The following TMEM44 variants were observed in gnomAD, a reference collection of about 807,000 sequenced individuals.
TMEM44 encodes transmembrane protein 44.
TMEM44 carries 43 observed loss-of-function variants against 47.8 expected under a neutral mutation model. The ratio of observed to expected loss-of-function variants is 0.90; its 90% CI spans 0.70 to 1.16. The LOEUF (loss-of-function observed/expected upper bound fraction) is 1.16. TMEM44 is among the 50% of genes most tolerant of loss of function. TMEM44 has a pLI of 0.00. For synonymous variants in TMEM44, 277 were observed against 238.8 expected, an observed-to-expected ratio of 1.16 and a Z score of -1.48; for missense variants, 568 against 555.2, an observed-to-expected ratio of 1.02 and a Z score of -0.23.
At chr3:194,630,852 TAC>T (rs1717734433) in intron 1 of TMEM44, among the ~76,000 whole-genome samples, 1 of 146,676 alleles carries the variant, frequency 6.8e-6, no homozygotes, top group African/African-American at 2.6e-5. Flanking sequence ...TCTGAAATAA[TAC>T]GCTGTCGTAC....
At chr3:194,621,024 CAAAAAA>C (rs35118545) in intron 5 of TMEM44, among the ~76,000 whole-genome samples, 1 of 117,334 alleles carries the variant, frequency 8.5e-6, no homozygotes, top group Non-Finnish European at 1.8e-5. Context: ...GACTCTGTCT[CAAAAAA>C]AAAAAAAAAA....
At chr3:194,591,897 G>A (rs923135231) in intron 9 of TMEM44, among the ~76,000 whole-genome samples, 6 of 152,020 alleles carry the variant, frequency 3.9e-5, no homozygotes, top group Non-Finnish European at 1.5e-5. Context: ...GTGAGCCAAC[G>A]TGCCCGGCCT....
chr3:194,598,734 C>T (rs995061973), intron 9 of TMEM44, among the ~76,000 whole-genome samples: 6 of 152,206 alleles, frequency 3.9e-5, no homozygotes, highest in South Asian at 2.1e-4. Flanking sequence ...CTTCCCCTAG[C>T]GTACCGCAAG....
At chr3:194,617,773 G>A (rs758828615) in intron 5 of TMEM44, 4 of 703,110 alleles carry the variant, frequency 5.7e-6, no homozygotes, top group Non-Finnish European at 1.0e-5. Context: ...GTCGGAGGTG[G>A]GGCCTGGTGG....
chr3:194,624,598 T>C (rs984575256), intron 3 of TMEM44, among the ~76,000 whole-genome samples: 7 of 152,130 alleles, frequency 4.6e-5, no homozygotes, highest in African/African-American at 1.4e-4. Flanking sequence ...TTTAAAATGT[T>C]TGTAGAGATA....
At chr3:194,608,623 A>G (rs1244940021) in intron 8 of TMEM44, among the ~76,000 whole-genome samples, 2 of 152,196 alleles carry the variant, frequency 1.3e-5, no homozygotes, top group African/African-American at 4.8e-5. Context: ...TTGAAGCTGG[A>G]AAGACAAGAA....
chr3:194,609,792 C>T (rs1010966930), intron 8 of TMEM44, among the ~76,000 whole-genome samples: 1 of 152,090 alleles, frequency 6.6e-6, no homozygotes, highest in Non-Finnish European at 1.5e-5. Flanking sequence ...TTTCCTCGGG[C>T]TTCCAACTGG....
chr3:194,620,450 G>C (rs1716399965), intron 5 of TMEM44, among the ~76,000 whole-genome samples: 1 of 152,072 alleles, frequency 6.6e-6, no homozygotes, highest in Admixed American at 6.6e-5. Flanking sequence ...TTCCAGGCCA[G>C]ATTAGATTGC....
At chr3:194,617,847 C>T (rs1484505637) in intron 5 of TMEM44, 2 of 661,098 alleles carry the variant, frequency 3.0e-6, no homozygotes, top group African/African-American at 1.8e-5. Flanking sequence ...TGGGTGCTGT[C>T]CTCACGACAG....
chr3:194,588,557 C>T lies in TMEM44; in HGVS notation c.1259G>A (p.Arg420Lys). The T allele has an allele frequency of 6.2e-7, 1 of 1,614,174 alleles. No homozygotes were observed. Among genetic ancestry groups the T allele is most frequent in the Admixed American group, 1.7e-5 (1 of 60,024 alleles). The stretch of plus-strand genomic sequence containing the variant: ...ATCATCATCACTCAGGTGTGCTGTC[C>T]TCACAGAGTCCTGGTGCACCTGGGA... ...LGSQVHQDSV[R>K]TAHLSDDD The change falls in exon 10 of 10, where the codon AGG (arginine) becomes AAG (lysine). Residue 420 changes from arginine (R) to lysine (K), a missense_variant. Transcript: ENST00000347147.
chr3:194,623,819 T>C, intron 3 of TMEM44, 124 bp from the exon 4 acceptor site: 1 of 1,292,484 alleles, frequency 7.7e-7, no homozygotes, highest in Non-Finnish European at 1.1e-6. Context: ...CACATTATTC[T>C]GCAGGCCAGC....
intron 9 of TMEM44, among the ~76,000 whole-genome samples, chr3:194,601,184 C>T (rs1405117179): frequency 6.6e-6 from 1 of 151,156 alleles, no homozygotes; most frequent in Admixed American, 6.6e-5. Context: ...CACTCTTTCA[C>T]CCAGCCTGGA....
Position 194,611,089 on chromosome 3 carries a change from G to C in TMEM44, c.913-69C>G. 7.4e-7 allele frequency: 1 copy of C among 1,344,586 alleles called. No homozygotes were observed. The highest frequency in any genetic ancestry group is 1.1e-6 in the Non-Finnish European group (1 of 945,408). 83.3% of individuals were successfully genotyped at this position (1,344,586 alleles called of 1,614,324 possible). A position where few individuals can be genotyped will look rare whatever the true frequency, so the allele number is the denominator to read the frequency against. On this transcript the variant is annotated intron_variant, in intron 7 of 9. Coordinates refer to ENST00000347147, the MANE Select transcript of TMEM44 (RefSeq NM_001011655.3). The surrounding 1 kb of genome is among the most constrained non-coding windows in gnomAD (Gnocchi z 4.2). ...TCAGGAGGCATTTTCTAAAAACAAG[G>C]TCACATTTTATTCAAAAGGACCCCC... is the stretch of plus-strand genomic sequence containing the variant.
chr3:194,592,045 C>T (rs910380035), intron 9 of TMEM44, among the ~76,000 whole-genome samples: 46 of 152,072 alleles, frequency 3.0e-4, no homozygotes, highest in African/African-American at 1.0e-3. Context: ...GGTGAAACCC[C>T]GTCTCTACTA....
chr3:194,593,599 C>G lies in TMEM44; in HGVS notation c.1177-4960G>C, dbSNP rs1229250957. ...TCAAGTTCTTGCAGGGCAGGCATCA[C>G]GTCTGCCCTTGTTACTCCAGCACCT... On this transcript the variant is annotated intron_variant, in intron 9 of 9. Transcript: ENST00000347147. 3.9e-5 allele frequency among the ~76,000 whole-genome samples: 6 copies of G among 152,302 alleles called. No homozygotes were observed. In the South Asian group the frequency reaches 1.2e-3, roughly 32 times the overall value.
chr3:194,629,322 A>C (rs1185267369), intron 1 of TMEM44, among the ~76,000 whole-genome samples: 1 of 152,246 alleles, frequency 6.6e-6, no homozygotes, highest in Non-Finnish European at 1.5e-5. Context: ...GCCTGTGTCC[A>C]TGTTCTTTAA....
chr3:194,591,507 A>C (rs1387388212), intron 9 of TMEM44, among the ~76,000 whole-genome samples: 1 of 152,136 alleles, frequency 6.6e-6, no homozygotes, highest in African/African-American at 2.4e-5. Context: ...AAAATAAATA[A>C]ATACATAAAT....
At position 194,603,414 on chromosome 3, in the gene TMEM44, T is replaced by C. The variant is rs1301802501; in HGVS notation, c.1176+873A>G. ...TGAGAAGCACTGAGACTTTTTTTTT[T>C]TTAGATGGAGTCTCGCTCTGTTGGC... On this transcript the variant is annotated intron_variant, in intron 9 of 9. Transcript: ENST00000347147. Among the ~76,000 whole-genome samples, 2 of 152,154 alleles carry C rather than the reference T, an allele frequency of 1.3e-5. 1 individual carries two copies. Among genetic ancestry groups the C allele is most frequent in the Non-Finnish European group, 2.9e-5 (2 of 68,024 alleles).
At chr3:194,613,639 C>T (rs1458423485) in intron 7 of TMEM44, among the ~76,000 whole-genome samples, 9 of 151,204 alleles carry the variant, frequency 6.0e-5, no homozygotes, top group Non-Finnish European at 1.2e-4. Context: ...ATTACAGGCG[C>T]GTGCCACCAC....
Sources: gnomAD v4.1 joint callset for allele counts (sites outside exome capture counted in the v4.1 genomes callset) on GRCh38, gnomAD v4.1.1 for gene constraint, Gnocchi (gnomAD v3.1) non-coding constraint, MANE v1.5 for transcripts, NCBI Gene and HGNC (gene_info 2026-07-23, HGNC 2026-07-21) for gene names.